The following SPINT2 variants were observed in gnomAD, a reference collection of about 807,000 sequenced individuals.
SPINT2 encodes serine peptidase inhibitor, Kunitz type 2, also known as kunitz-type protease inhibitor 2.
SPINT2 carries 18 observed loss-of-function variants against 30.1 expected under a neutral mutation model. The observed-to-expected ratio is 0.60, with a 90% CI of 0.41 to 0.89. The LOEUF (loss-of-function observed/expected upper bound fraction) is 0.89. Among genes scored for constraint, SPINT2 ranks in the 40% least tolerant of loss-of-function variants. The pLI, the probability that SPINT2 is intolerant of heterozygous loss-of-function variation, is 0.00. For synonymous variants in SPINT2, 139 were observed against 137.9 expected (o/e 1.01, Z -0.05); for missense variants, 276 against 334.3 (o/e 0.83, Z 1.36).
chr19:38,268,111 C>T (rs1968401706), intron 1 of SPINT2, among the ~76,000 whole-genome samples: 1 of 152,098 alleles, frequency 6.6e-6, no homozygotes, highest in Non-Finnish European at 1.5e-5. Context: ...GCAGGCCCCA[C>T]CGTGTGAGAG....
intron 1 of SPINT2, among the ~76,000 whole-genome samples, chr19:38,272,156 G>C (rs954178373): frequency 1.1e-4 from 16 of 151,634 alleles, no homozygotes; most frequent in Admixed American, 9.8e-4. Context: ...AGCCGAGATC[G>C]CACCATTGCA....
chr19:38,274,225 C>CAAAAA (rs34817794), intron 1 of SPINT2, among the ~76,000 whole-genome samples: 1 of 136,434 alleles, frequency 7.3e-6, no homozygotes. Context: ...GTCCCTGTCT[C>CAAAAA]AAAAAAAAAA....
At chr19:38,273,316 T>A (rs554982828) in intron 1 of SPINT2, among the ~76,000 whole-genome samples, 2 of 152,310 alleles carry the variant, frequency 1.3e-5, no homozygotes, top group South Asian at 2.1e-4. Flanking sequence ...GATTTATAGA[T>A]CATCTTAAAA....
chr19:38,264,714 C>G lies in SPINT2; in HGVS notation c.-179C>G. Reference sequence around the variant, plus strand: ...GCGCGCCGAGAAGGCCGGGCGTCCCCACACTGAAGGTCCGGAAAGGCGACT... The same window carrying G: ...GCGCGCCGAGAAGGCCGGGCGTCCCGACACTGAAGGTCCGGAAAGGCGACT... On this transcript the variant is annotated 5_prime_UTR_variant, in exon 1 of 7. Transcript: ENST00000301244. 1.6e-6 allele frequency: 1 copy of G among 628,278 alleles called. No homozygotes were observed. Among genetic ancestry groups the G allele is most frequent in the East Asian group, 2.9e-5 (1 of 34,306 alleles). 38.9% of individuals were successfully genotyped at this position (628,278 alleles called of 1,614,324 possible).
At chr19:38,283,538 C>T in intron 1 of SPINT2, 89 bp from the exon 2 acceptor site, 1 of 1,547,000 alleles carries the variant, frequency 6.5e-7, no homozygotes, top group Non-Finnish European at 8.9e-7. Context: ...GGCTCTGGTT[C>T]TCCTGGGGGA....
chr19:38,275,322 T>C (rs559192033), intron 1 of SPINT2, among the ~76,000 whole-genome samples: 131 of 152,078 alleles, frequency 8.6e-4, no homozygotes, highest in African/African-American at 3.1e-3. Flanking sequence ...GCCAATAGAG[T>C]TTTTCTTTCC....
In SPINT2 at chr19:38,283,004, G is replaced by T. The variant is rs75232928; in HGVS notation, c.107-623G>T. Among the ~76,000 whole-genome samples, 728 of 147,076 alleles carry T rather than the reference G, an allele frequency of 4.9e-3. 8 individuals are homozygous for T. Among genetic ancestry groups the T allele is most frequent in the African/African-American group, 0.016 (646 of 39,994 alleles). ...GGGTCTTGGAGTCAGGTTTTGTTTT[G>T]TTTTTTTTTTTTTAAGTCATGTTTC... On this transcript the variant is annotated intron_variant, in intron 1 of 6. Coordinates refer to ENST00000301244, the MANE Select transcript of SPINT2 (RefSeq NM_021102.4).
chr19:38,286,460 G>A (rs1039370485), intron 2 of SPINT2, among the ~76,000 whole-genome samples: 5 of 152,322 alleles, frequency 3.3e-5, no homozygotes, highest in Admixed American at 6.5e-5. Context: ...CATCTTGGAC[G>A]AGGTGTGGGA....
Position 38,264,818 on chromosome 19 carries a change from T to C in SPINT2, c.-75T>C. 1 of 1,453,088 alleles carries C rather than the reference T, an allele frequency of 6.9e-7. No individual in the cohort carries two copies. Among genetic ancestry groups the C allele is most frequent in the South Asian group, 1.2e-5 (1 of 81,608 alleles). The allele number at this position is 1,453,088 out of a possible 1,614,324, so 90.0% of individuals were successfully genotyped here. A position where few individuals can be genotyped will look rare whatever the true frequency, so the allele number is the denominator to read the frequency against. ...GAGGCGCTCCATTGCGCGTGCGCGT[T>C]GAGGGGCTTCCCGCACCTGATCGCG... On this transcript the variant is annotated 5_prime_UTR_variant, in exon 1 of 7. Transcript: ENST00000301244.
intron 1 of SPINT2, among the ~76,000 whole-genome samples, chr19:38,282,548 TC>T (rs1186999536): frequency 6.6e-6 from 1 of 152,238 alleles, no homozygotes; most frequent in Non-Finnish European, 1.5e-5. Flanking sequence ...TGTTTCTCTC[TC>T]CCTTTCAAGA....
At chr19:38,272,833 C>A (rs1390163987) in intron 1 of SPINT2, among the ~76,000 whole-genome samples, 1 of 152,176 alleles carries the variant, frequency 6.6e-6, no homozygotes, top group Non-Finnish European at 1.5e-5. Flanking sequence ...GATTCTCCTG[C>A]CTCAGCCTCC....
chr19:38,277,061 C>G (rs1968529087), intron 1 of SPINT2, among the ~76,000 whole-genome samples: 1 of 152,004 alleles, frequency 6.6e-6, no homozygotes, highest in Non-Finnish European at 1.5e-5. Context: ...CAGGCCTACT[C>G]TATGTTTTAG....
chr19:38,280,974 G>A (rs781422174), intron 1 of SPINT2, among the ~76,000 whole-genome samples: 2 of 152,210 alleles, frequency 1.3e-5, no homozygotes, highest in Non-Finnish European at 2.9e-5. Flanking sequence ...GTGGCAGGGC[G>A]GCGGAGAGGC....
At chr19:38,287,798 CA>C (rs1339274729) in intron 2 of SPINT2, 77 bp from the exon 3 acceptor site, 1 of 1,503,128 alleles carries the variant, frequency 6.7e-7, no homozygotes, top group Non-Finnish European at 9.3e-7. Context: ...GTGAGAGGCG[CA>C]CAGGGCCAGC....
chr19:38,267,677 G>T (rs1316244592), intron 1 of SPINT2, among the ~76,000 whole-genome samples: 3 of 151,938 alleles, frequency 2.0e-5, no homozygotes, highest in Non-Finnish European at 2.9e-5. Context: ...AGGAGATCAG[G>T]TGGAGGTCTT....
At chr19:38,267,921 A>T (rs1968399638) in intron 1 of SPINT2, among the ~76,000 whole-genome samples, 1 of 152,156 alleles carries the variant, frequency 6.6e-6, no homozygotes, top group South Asian at 2.1e-4. Context: ...AGCAGCTCCC[A>T]GGAGCAAGGA....
intron 1 of SPINT2, among the ~76,000 whole-genome samples, chr19:38,279,759 T>G (rs564606587): frequency 6.6e-6 from 1 of 152,304 alleles, no homozygotes; most frequent in South Asian, 2.1e-4. Flanking sequence ...GCTCAAGTGA[T>G]TCTCCTGCCT....
intron 1 of SPINT2, 22 bp from the exon 2 acceptor site, chr19:38,283,605 C>T (rs750660325): frequency 1.3e-5 from 21 of 1,613,570 alleles, no homozygotes; most frequent in African/African-American, 6.7e-5. Flanking sequence ...CCAAGCTAAC[C>T]GGGTTGTGCT....
chr19:38,276,501 G>A (rs770903601), intron 1 of SPINT2, among the ~76,000 whole-genome samples: 3 of 151,994 alleles, frequency 2.0e-5, no homozygotes, highest in East Asian at 2.0e-4. Flanking sequence ...AATCAGCCGC[G>A]TGTGGTGGCG....
Sources: gnomAD v4.1 joint callset for allele counts (sites outside exome capture counted in the v4.1 genomes callset) on GRCh38, gnomAD v4.1.1 for gene constraint, MANE v1.5 for transcripts, NCBI Gene and HGNC (gene_info 2026-07-23, HGNC 2026-07-21) for gene names.